The following ZNF563 variants were observed in gnomAD, a reference collection of about 807,000 sequenced individuals.
ZNF563 encodes zinc finger protein 563.
In ZNF563, 39 loss-of-function variants were observed where a neutral mutation model predicts 48.5. The ratio of observed to expected loss-of-function variants is 0.80; its 90% confidence interval spans 0.62 to 1.05. The LOEUF (loss-of-function observed/expected upper bound fraction) is 1.05. Ranked by LOEUF, ZNF563 falls within the 50% of genes least tolerant of loss-of-function variation. The pLI, the probability that ZNF563 is intolerant of heterozygous loss-of-function variation, is 0.00. For synonymous variants in ZNF563, 168 were observed against 187.9 expected (o/e 0.89, Z 0.87); for missense variants, 538 against 597.0 (o/e 0.90, Z 1.03).
chr19:12,339,484 T>C, the ZNF563 span, among the ~76,000 whole-genome samples: 1 of 151,904 alleles, frequency 6.6e-6, no homozygotes, highest in Non-Finnish European at 1.5e-5. Context: ...TTTACCATGT[T>C]AGTCAGGCTG....
chr19:12,341,093 C>T, the ZNF563 span, among the ~76,000 whole-genome samples: 227 of 152,196 alleles, frequency 1.5e-3, 1 homozygote, highest in Non-Finnish European at 3.1e-4. Flanking sequence ...TTCCATTGCC[C>T]AAGATGCAGT....
intron 3 of ZNF563, 106 bp from the exon 4 acceptor site, chr19:12,319,939 T>A (rs557854000): frequency 9.3e-7 from 1 of 1,079,092 alleles, no homozygotes; most frequent in East Asian, 2.6e-5. Flanking sequence ...TTCCCTGAGA[T>A]GGAGTCTTGC....
At chr19:12,343,824 G>A in the ZNF563 span, among the ~76,000 whole-genome samples, 2 of 145,976 alleles carry the variant, frequency 1.4e-5, no homozygotes, top group African/African-American at 2.5e-5. Context: ...TCTGCCTCCC[G>A]GGTTCACGCC....
upstream of ZNF563, among the ~76,000 whole-genome samples, chr19:12,336,125 T>C (rs781024508): frequency 3.3e-5 from 5 of 152,058 alleles, no homozygotes; most frequent in Non-Finnish European, 7.4e-5. Context: ...ATATATAAAG[T>C]AGTGGAAAAA....
At chr19:12,334,074 A>G (rs546273532), upstream of ZNF563, among the ~76,000 whole-genome samples, 2 of 152,310 alleles carry the variant, frequency 1.3e-5, no homozygotes, top group Non-Finnish European at 2.9e-5. Context: ...ACACTGCAGC[A>G]GGAGGGTGGC....
the ZNF563 span, chr19:12,346,673 A>G: frequency 6.6e-6 from 1 of 152,254 alleles, no homozygotes; most frequent in African/African-American, 2.4e-5. Flanking sequence ...GATAGCAGTC[A>G]AATTATTACT....
At chr19:12,345,912 A>C in the ZNF563 span, 1 of 152,156 alleles carries the variant, frequency 6.6e-6, no homozygotes, top group Non-Finnish European at 1.5e-5. Flanking sequence ...AGGGAGAAAA[A>C]AAAATTACTT....
At chr19:12,337,338 G>C (rs1010275144), upstream of ZNF563, among the ~76,000 whole-genome samples, 1 of 152,136 alleles carries the variant, frequency 6.6e-6, no homozygotes, top group South Asian at 2.1e-4. Flanking sequence ...GAGAGGCTGG[G>C]ACTGCAGGCA....
chr19:12,340,441 G>A, the ZNF563 span, among the ~76,000 whole-genome samples: 1 of 152,158 alleles, frequency 6.6e-6, no homozygotes, highest in African/African-American at 2.4e-5. Context: ...TTCAAGATCA[G>A]CCTGGGCAAT....
intron 1 of ZNF563, among the ~76,000 whole-genome samples, chr19:12,329,926 T>TTTTC (rs1491349587): frequency 2.1e-5 from 2 of 96,202 alleles, no homozygotes; most frequent in Non-Finnish European, 4.4e-5. Flanking sequence ...TTTTCTTTTC[T>TTTTC]TTTTTTTTTT....
upstream of ZNF563, chr19:12,333,791 A>C: frequency 2.2e-6 from 1 of 463,632 alleles, no homozygotes; most frequent in Non-Finnish European, 3.9e-6. Flanking sequence ...ACTGAGTGAC[A>C]GAAGAAGCGA....
rs201356487 is a variant in ZNF563 at position 12,318,851 on chromosome 19, G to T, written c.1174C>A (p.Pro392Thr). ...TTCCCACATATCTTGCATTTATGAGGTCCACCTCCAGTGTGCATTATCATG... is the reference window on the plus strand; with the variant it reads ...TTCCCACATATCTTGCATTTATGAGTTCCACCTCCAGTGTGCATTATCATG... ...RHMIMHTGGG[P>T]HKCKICGKAF... The change falls in exon 4 of 4, where the codon CCT (proline) becomes ACT (threonine). Residue 392 changes from proline to threonine, a missense_variant. Physicochemically the swap from Pro to Thr is conservative, Grantham distance 38. Coordinates refer to ENST00000293725, the MANE Select transcript of ZNF563 (RefSeq NM_145276.3). 1.9e-5 allele frequency: 30 copies of T among 1,614,086 alleles called. No individual in the cohort carries two copies. The East Asian group carries it at 5.3e-4, about 29-fold the overall frequency.
upstream of ZNF563, among the ~76,000 whole-genome samples, chr19:12,336,991 G>T (rs989044103): frequency 6.6e-6 from 1 of 152,188 alleles, no homozygotes; most frequent in East Asian, 1.9e-4. Flanking sequence ...TTCTCAGATA[G>T]TAATGTCTTG....
chr19:12,328,439 A>G (rs1279740257), intron 1 of ZNF563, among the ~76,000 whole-genome samples: 1 of 152,228 alleles, frequency 6.6e-6, no homozygotes, highest in African/African-American at 2.4e-5. Context: ...GGCACTCCAC[A>G]CTACCAGCCT....
At chr19:12,340,333 C>CA in the ZNF563 span, among the ~76,000 whole-genome samples, 4 of 151,290 alleles carry the variant, frequency 2.6e-5, no homozygotes, top group Admixed American at 6.6e-5. Flanking sequence ...GACTCTGTCT[C>CA]AAAAAGAAAA....
At chr19:12,328,805 A>T (rs1968857272) in intron 1 of ZNF563, among the ~76,000 whole-genome samples, 1 of 151,400 alleles carries the variant, frequency 6.6e-6, no homozygotes, top group African/African-American at 2.4e-5. Flanking sequence ...AATAAATAAA[A>T]GAAATTATAT....
chr19:12,323,689 C>A (rs979272626), intron 1 of ZNF563, among the ~76,000 whole-genome samples: 3 of 152,212 alleles, frequency 2.0e-5, no homozygotes, highest in African/African-American at 4.8e-5. Flanking sequence ...CAACAAAAAA[C>A]AGACTAAGCC....
chr19:12,319,896 A>G (rs1353132453), intron 3 of ZNF563, 63 bp from the exon 4 acceptor site: 1 of 1,442,022 alleles, frequency 6.9e-7, no homozygotes, highest in Non-Finnish European at 9.4e-7. Context: ...ATTTATGTGT[A>G]TTAATAGGTA....
At chr19:12,329,095 A>G (rs201275133) in intron 1 of ZNF563, among the ~76,000 whole-genome samples, 1 of 152,248 alleles carries the variant, frequency 6.6e-6, no homozygotes, top group Admixed American at 6.5e-5. Flanking sequence ...AGGAAACTAG[A>G]GAATAGCAAG....
Sources: allele counts gnomAD v4.1 joint callset (sites outside exome capture counted in the v4.1 genomes callset), GRCh38; gene constraint gnomAD v4.1.1; transcripts MANE v1.5; gene names NCBI Gene and HGNC (gene_info 2026-07-23, HGNC 2026-07-21).